PPP1R14D: variants seen among roughly 807,000 people sequenced by gnomAD.
PPP1R14D encodes the protein protein phosphatase 1 regulatory subunit 14D.
In PPP1R14D, 14 loss-of-function variants were observed where a neutral mutation model predicts 17.1. The observed-to-expected ratio is 0.82, with a 90% CI of 0.54 to 1.28. The LOEUF is 1.28. PPP1R14D is among the 50% of genes most tolerant of loss of function. The pLI is 0.00. For missense variants in PPP1R14D, 173 were observed against 179.2 expected, an observed-to-expected ratio of 0.97 and a Z score of 0.20; for synonymous variants, 67 against 66.1, an observed-to-expected ratio of 1.01 and a Z score of -0.06.
chr15:40,821,892 T>C (rs796722156), intron 1 of PPP1R14D, among the ~76,000 whole-genome samples: 10 of 152,340 alleles, frequency 6.6e-5, no homozygotes, highest in African/African-American at 2.4e-4. Context: ...CGTACCACTG[T>C]ACTCCAGCGT....
chr15:40,818,427 A>C (rs1890714496), intron 1 of PPP1R14D, among the ~76,000 whole-genome samples: 2 of 152,174 alleles, frequency 1.3e-5, no homozygotes, highest in Admixed American at 1.3e-4. Context: ...TGTCCAGAGA[A>C]TGGAATATTA....
chr15:40,825,222 T>C (rs796709461), intron 1 of PPP1R14D, among the ~76,000 whole-genome samples: 8 of 151,164 alleles, frequency 5.3e-5, no homozygotes, highest in African/African-American at 1.9e-4. Flanking sequence ...GAGGCGGAGG[T>C]TGCAGTGAGC....
At chr15:40,816,142 C>T in intron 2 of PPP1R14D, 28 bp downstream of exon 2, 1 of 1,611,544 alleles carries the variant, frequency 6.2e-7, no homozygotes, top group Non-Finnish European at 8.5e-7. Context: ...CCCACTGACC[C>T]AAGGCCAGCT....
At chr15:40,822,641 C>T (rs139945122) in intron 1 of PPP1R14D, among the ~76,000 whole-genome samples, 43 of 151,752 alleles carry the variant, frequency 2.8e-4, no homozygotes, top group African/African-American at 9.2e-4. Flanking sequence ...TTAGGAGAGA[C>T]GGGGTTTTGC....
chr15:40,823,098 G>A (rs1343502463), intron 1 of PPP1R14D, among the ~76,000 whole-genome samples: 2 of 151,660 alleles, frequency 1.3e-5, no homozygotes, highest in African/African-American at 2.4e-5. Context: ...CCAAGCAGCT[G>A]GGATTACAGG....
intron 1 of PPP1R14D, among the ~76,000 whole-genome samples, chr15:40,823,416 G>T (rs1228517370): frequency 6.6e-6 from 1 of 152,106 alleles, no homozygotes; most frequent in Non-Finnish European, 1.5e-5. Context: ...AGGAAAAAAA[G>T]AATTTAGTGC....
At chr15:40,823,212 C>T (rs1890812051) in intron 1 of PPP1R14D, among the ~76,000 whole-genome samples, 1 of 152,022 alleles carries the variant, frequency 6.6e-6, no homozygotes, top group South Asian at 2.1e-4. Context: ...GATCCGTCCA[C>T]TTCAGCCTCT....
At chr15:40,827,909 A>G (rs1033019826) in intron 1 of PPP1R14D, among the ~76,000 whole-genome samples, 2 of 152,130 alleles carry the variant, frequency 1.3e-5, no homozygotes, top group African/African-American at 4.8e-5. Flanking sequence ...GCAACAGGGC[A>G]AGACTTTGTC....
intron 1 of PPP1R14D, among the ~76,000 whole-genome samples, chr15:40,827,472 C>T (rs1359414060): frequency 2.0e-5 from 3 of 152,070 alleles, no homozygotes; most frequent in African/African-American, 7.2e-5. Context: ...CACGGCATTG[C>T]ACTCCAGGCT....
At chr15:40,821,034 T>G (rs895623991) in intron 1 of PPP1R14D, among the ~76,000 whole-genome samples, 7 of 108,464 alleles carry the variant, frequency 6.5e-5, no homozygotes, top group Admixed American at 3.4e-4. Context: ...AAAAAAAAAA[T>G]AAGAAGAAAA....
rs1382410627 is a variant in PPP1R14D at position 40,825,779 on chromosome 15, G to A, written c.255+2608C>T. On this transcript the variant is annotated intron_variant, in intron 1 of 3. Transcript: ENST00000299174. ...TCCTGCTGAAAAGAGCAGGGATTGG[G>A]AGAGAAACTGCCACCTGGCACCTTT... is the stretch of plus-strand genomic sequence containing the variant. Among the ~76,000 whole-genome samples the A allele has an allele frequency of 8.5e-5, 13 of 152,222 alleles. 1 individual carries two copies. The highest frequency in any genetic ancestry group is 8.5e-4 in the Admixed American group (13 of 15,272).
Position 40,828,575 on chromosome 15 carries a change from C to T in PPP1R14D, c.67G>A (p.Val23Ile). 3.7e-6 allele frequency: 6 copies of T among 1,614,182 alleles called. No individual in the cohort carries two copies. The highest frequency in any genetic ancestry group is 5.1e-6 in the Non-Finnish European group (6 of 1,180,014). Reference sequence around the variant, plus strand: ...CTTCTCCTCCCAGAAGCCCAGTGGACCTTCTTACATGGGTTCTCCCCATCT... The same window carrying T: ...CTTCTCCTCCCAGAAGCCCAGTGGATCTTCTTACATGGGTTCTCCCCATCT... ...SPDGENPCKK[V>I]HWASGRRRTS... The change falls in exon 1 of 4, where the codon GTC becomes ATC. Residue 23 changes from valine to isoleucine, a missense_variant. Val to Ile is a conservative substitution (Grantham distance 29). Transcript: ENST00000299174.
chr15:40,815,536 G>A lies in PPP1R14D; in HGVS notation c.*160C>T. 1.1e-6 allele frequency: 1 copy of A among 933,130 alleles called. No homozygotes were observed. The allele number at this position is 933,130 out of a possible 1,614,324, so 57.8% of individuals were successfully genotyped here. Reference sequence around the variant, plus strand: ...TTTCTCCCAGAGAGCCCAGCTGACAGAAACTAGCTGTGACCACACAGACAG... The same window carrying A: ...TTTCTCCCAGAGAGCCCAGCTGACAAAAACTAGCTGTGACCACACAGACAG... On this transcript the variant is annotated 3_prime_UTR_variant, in exon 4 of 4. Transcript: ENST00000299174.
In PPP1R14D at chr15:40,816,247, C is replaced by T; in HGVS notation, c.262G>A (p.Ala88Thr). The T allele has an allele frequency of 6.2e-7, 1 of 1,613,996 alleles. No individual in the cohort carries two copies. The highest frequency in any genetic ancestry group is 1.3e-5 in the African/African-American group (1 of 75,030). The stretch of plus-strand genomic sequence containing the variant: ...TCAATCTCAGGCTCAGAAGGGGTTG[C>T]TTGATCCTATTTGGAAATCACATGG... ...AQVQELFQDQ[A>T]TPSEPEIDLE... The change falls in exon 2 of 4, where the codon GCA becomes ACA. Residue 88 changes from alanine to threonine, a missense_variant. By Grantham distance (58) the Ala-to-Thr change is moderately conservative. Transcript: ENST00000299174.
intron 1 of PPP1R14D, among the ~76,000 whole-genome samples, chr15:40,823,405 C>A (rs951272949): frequency 3.3e-5 from 5 of 152,058 alleles, no homozygotes; most frequent in Admixed American, 6.6e-5. Context: ...CTGTACCCAG[C>A]AGGAAAAAAA....
At chr15:40,822,437 T>C (rs995803496) in intron 1 of PPP1R14D, among the ~76,000 whole-genome samples, 1 of 151,438 alleles carries the variant, frequency 6.6e-6, no homozygotes, top group Admixed American at 6.6e-5. Context: ...TCGCTTGAGG[T>C]CAGGAGTTCA....
At chr15:40,828,365 C>T (rs561821321) in intron 1 of PPP1R14D, 22 bp downstream of exon 1, 7 of 1,557,002 alleles carry the variant, frequency 4.5e-6, no homozygotes, top group East Asian at 2.3e-5. Context: ...CATCTCCTCC[C>T]ACTATCCGCT....
At position 40,816,250 on chromosome 15, in the gene PPP1R14D, G is replaced by C. The variant is rs1326358769; in HGVS notation, c.259C>G (p.Gln87Glu). 1.9e-6 allele frequency: 3 copies of C among 1,613,892 alleles called. No individual in the cohort carries two copies. Among genetic ancestry groups the C allele is most frequent in the East Asian group, 4.5e-5 (2 of 44,886 alleles). The change falls in exon 2 of 4, where the codon CAA becomes GAA. Residue 87 changes from glutamine to glutamate, a missense_variant. Coordinates refer to ENST00000299174, the MANE Select transcript of PPP1R14D (RefSeq NM_017726.8). ...DAQVQELFQDQATPSEPEIDL... is the reference protein window; with the variant it reads ...DAQVQELFQDEATPSEPEIDL... Reference sequence around the variant, plus strand: ...ATCTCAGGCTCAGAAGGGGTTGCTTGATCCTATTTGGAAATCACATGGGTC... The same window carrying C: ...ATCTCAGGCTCAGAAGGGGTTGCTTCATCCTATTTGGAAATCACATGGGTC...
intron 1 of PPP1R14D, among the ~76,000 whole-genome samples, chr15:40,824,434 G>A (rs1439661091): frequency 1.3e-5 from 2 of 151,106 alleles, no homozygotes; most frequent in Admixed American, 6.6e-5. Context: ...GCAGTGGCAC[G>A]ATCATGGCTT....
Sources: gnomAD v4.1 joint callset for allele counts (sites outside exome capture counted in the v4.1 genomes callset) on GRCh38, gnomAD v4.1.1 for gene constraint, MANE v1.5 for transcripts, NCBI Gene and HGNC (gene_info 2026-07-23, HGNC 2026-07-21) for gene names.